FAM185A: variants seen among roughly 807,000 people sequenced by gnomAD.
FAM185A encodes family with sequence similarity 185 member A.
In FAM185A, 21 loss-of-function variants were observed where a neutral mutation model predicts 45.7. The observed-to-expected ratio is 0.46, with a 90% CI of 0.33 to 0.66. FAM185A has a LOEUF of 0.66. FAM185A is among the 30% of genes least tolerant of loss of function. FAM185A has a pLI of 0.03. For missense variants in FAM185A, 305 were observed against 485.4 expected, an observed-to-expected ratio of 0.63 and a Z score of 3.49; for synonymous variants, 117 against 194.0, an observed-to-expected ratio of 0.60 and a Z score of 3.30.
chr7:102,850,534 TTGAAAGCC>T, the FAM185A span, among the ~76,000 whole-genome samples: 1 of 152,226 alleles, frequency 6.6e-6, no homozygotes, highest in Admixed American at 6.5e-5. Flanking sequence ...CAAAGATCTT[TTGAAAGCC>T]TGACTATATC....
At chr7:102,806,122 T>G (rs6969054) in intron 7 of FAM185A, among the ~76,000 whole-genome samples, 1 of 152,002 alleles carries the variant, frequency 6.6e-6, no homozygotes, top group Admixed American at 6.6e-5. Context: ...ACCTTTTTGG[T>G]TATTGTTTTA....
At chr7:102,797,734 A>G (rs539813411) in intron 7 of FAM185A, among the ~76,000 whole-genome samples, 140 of 152,338 alleles carry the variant, frequency 9.2e-4, no homozygotes, top group African/African-American at 3.1e-3. Context: ...TGGGTGGCCC[A>G]AAGTGTTTGT....
intron 3 of FAM185A, among the ~76,000 whole-genome samples, chr7:102,760,617 G>A (rs1348170192): frequency 6.6e-6 from 1 of 152,054 alleles, no homozygotes; most frequent in Non-Finnish European, 1.5e-5. Context: ...CAAACATCAT[G>A]CTTAATGGTG....
intron 4 of FAM185A, among the ~76,000 whole-genome samples, chr7:102,767,508 A>C (rs1794484322): frequency 6.6e-6 from 1 of 152,014 alleles, no homozygotes; most frequent in South Asian, 2.1e-4. Context: ...TATATTTATA[A>C]TTGCTCTTTC....
intron 7 of FAM185A, among the ~76,000 whole-genome samples, chr7:102,797,617 T>C (rs1052043976): frequency 6.6e-6 from 1 of 151,988 alleles, no homozygotes; most frequent in African/African-American, 2.4e-5. Flanking sequence ...TGTTTCATAG[T>C]GTATGATTTA....
In FAM185A at chr7:102,761,312, G is replaced by C. The variant is rs1584284863; in HGVS notation, c.694G>C (p.Val232Leu). Residue 232 changes from valine (V) to leucine (L), a missense_variant, in exon 4 of 8, where the codon GTA becomes CTA. Around this residue, in one of 5 missense-constraint regions of FAM185A, gnomAD observed 44 missense variants for 66.8 expected, o/e 0.66. Coordinates refer to ENST00000413034, the MANE Select transcript of FAM185A (RefSeq NM_001145268.2). ...IDKLQGSSVT[V>L]STEDGLLKAK... ...TAAACTGCAGGGAAGTTCTGTTACT[G>C]TATCTACCGAAGATGGTTTGCTGAA... is the stretch of plus-strand genomic sequence containing the variant. 2 of 1,546,976 alleles carry C rather than the reference G, an allele frequency of 1.3e-6. No individual in the cohort carries two copies. The highest frequency in any genetic ancestry group is 4.9e-5 in the East Asian group (2 of 40,482).
chr7:102,780,760 A>G (rs1040653198), intron 6 of FAM185A, among the ~76,000 whole-genome samples: 3 of 152,200 alleles, frequency 2.0e-5, no homozygotes, highest in African/African-American at 7.2e-5. Context: ...TGATTTTTAC[A>G]TTTCCCACTG....
chr7:102,758,427 CTTTTTTTTTTTTTTT>C (rs869220298), intron 3 of FAM185A, among the ~76,000 whole-genome samples: 59 of 45,902 alleles, frequency 1.3e-3, no homozygotes, highest in African/African-American at 3.3e-3. Flanking sequence ...GCTCTCACAG[CTTTTTTTTTTTTTTT>C]TTTTTTTTTT....
intron 2 of FAM185A, 143 bp from the exon 3 acceptor site, chr7:102,757,711 C>T (rs541899299): frequency 2.8e-5 from 32 of 1,146,286 alleles, no homozygotes; most frequent in East Asian, 8.2e-5. Context: ...TGTCATTATT[C>T]GAAGCAGTGA....
chr7:102,810,390 G>A (rs1259019172), downstream of FAM185A, among the ~76,000 whole-genome samples: 1 of 151,952 alleles, frequency 6.6e-6, no homozygotes, highest in Non-Finnish European at 1.5e-5. Flanking sequence ...ACGCCACCAT[G>A]CCCAGCTAAG....
In FAM185A at chr7:102,766,213, A is replaced by G. The variant is rs1247692592; in HGVS notation, c.793+4802A>G. ...GTTACTTGTTTTTGTGTATTTTAAA[A>G]ATTTATGTTATGATCCGGAACAGTG... On this transcript the variant is annotated intron_variant, in intron 4 of 7. Transcript: ENST00000413034. Among the ~76,000 whole-genome samples the G allele has an allele frequency of 1.2e-4, 19 of 152,404 alleles. No individual in the cohort carries two copies. In the East Asian group the frequency reaches 2.7e-3, roughly 22 times the overall value.
downstream of FAM185A, among the ~76,000 whole-genome samples, chr7:102,812,962 C>T (rs1042327483): frequency 1.1e-4 from 16 of 151,738 alleles, no homozygotes; most frequent in African/African-American, 3.6e-4. Context: ...CCTGCCTCAG[C>T]CTCCTGAGTA....
At chr7:102,759,047 A>G (rs1793949063) in intron 3 of FAM185A, among the ~76,000 whole-genome samples, 1 of 152,118 alleles carries the variant, frequency 6.6e-6, no homozygotes, top group Non-Finnish European at 1.5e-5. Flanking sequence ...AAATTATACT[A>G]GGAAAGTGTT....
the FAM185A span, among the ~76,000 whole-genome samples, chr7:102,847,122 A>G: frequency 6.6e-6 from 1 of 152,276 alleles, no homozygotes; most frequent in East Asian, 1.9e-4. Context: ...TCTATGCTCA[A>G]TGGCAAAGTT....
intron 7 of FAM185A, among the ~76,000 whole-genome samples, chr7:102,807,157 C>T (rs111570731): frequency 7.3e-5 from 11 of 150,474 alleles, no homozygotes; most frequent in Non-Finnish European, 1.3e-4. Flanking sequence ...TCCATAGTGC[C>T]GCAAAGCTGA....
chr7:102,790,316 A>T lies in FAM185A; in HGVS notation c.1066+2847A>T, dbSNP rs186341700. 6.9e-3 allele frequency among the ~76,000 whole-genome samples: 1,044 copies of T among 152,268 alleles called. 3 individuals are homozygous for T. The highest frequency in any genetic ancestry group is 0.011 in the Non-Finnish European group (763 of 68,032). On this transcript the variant is annotated intron_variant, in intron 7 of 7. Transcript: ENST00000413034. ...AGGATGGCTACGAAGTCACTAGGTG[A>T]TAGGAGTTTTTTACCTCTATTATAA...
At chr7:102,801,336 A>G (rs1796777834) in intron 7 of FAM185A, among the ~76,000 whole-genome samples, 1 of 152,186 alleles carries the variant, frequency 6.6e-6, no homozygotes, top group Non-Finnish European at 1.5e-5. Context: ...AAAACAAAAA[A>G]ACAAAGTACA....
chr7:102,813,130 G>C (rs1051983354), downstream of FAM185A: 9 of 516,008 alleles, frequency 1.7e-5, no homozygotes, highest in Non-Finnish European at 3.0e-5. Context: ...GTGAGCCACC[G>C]CTCCTGGCCT....
chr7:102,850,639 T>A, the FAM185A span, among the ~76,000 whole-genome samples: 8 of 152,220 alleles, frequency 5.3e-5, no homozygotes, highest in Non-Finnish European at 1.2e-4. Flanking sequence ...TTTAGAGGAA[T>A]CTTTCAACTT....
Sources: allele counts gnomAD v4.1 joint callset (sites outside exome capture counted in the v4.1 genomes callset), GRCh38; gene constraint gnomAD v4.1.1; regional missense constraint gnomAD v4.1.1; transcripts MANE v1.5; gene names NCBI Gene and HGNC (gene_info 2026-07-23, HGNC 2026-07-21).